NFATC2: variants seen among roughly 807,000 people sequenced by gnomAD.
NFATC2 encodes the protein nuclear factor of activated T cells 2, also known as nuclear factor of activated T-cells, cytoplasmic 2.
A neutral mutation model predicts 87.3 loss-of-function variants in NFATC2; 22 were observed. The ratio of observed to expected loss-of-function variants is 0.25; its 90% confidence interval spans 0.18 to 0.36. The LOEUF (loss-of-function observed/expected upper bound fraction) is 0.36, where lower values mean the gene tolerates loss of function less well. Among genes scored for constraint, NFATC2 ranks in the 10% least tolerant of loss-of-function variants. NFATC2 has a pLI of 1.00. For synonymous variants in NFATC2, 565 were observed against 542.2 expected, an observed-to-expected ratio of 1.04 and a Z score of -0.58; for missense variants, 1,149 against 1,259.1, an observed-to-expected ratio of 0.91 and a Z score of 1.32.
At chr20:51,438,279 T>G (rs1355425729) in intron 6 of NFATC2, among the ~76,000 whole-genome samples, 5 of 151,976 alleles carry the variant, frequency 3.3e-5, no homozygotes, top group African/African-American at 1.2e-4. Flanking sequence ...ACCTGCAAAG[T>G]GAGCTTGAAG....
intron 1 of NFATC2, among the ~76,000 whole-genome samples, chr20:51,525,605 G>A (rs935808563): frequency 5.3e-5 from 8 of 151,176 alleles, no homozygotes; most frequent in Non-Finnish European, 8.8e-5. Context: ...AGCTCATGGG[G>A]CGGCCTGGAC....
At chr20:51,420,401 C>T (rs1322807745) in intron 9 of NFATC2, among the ~76,000 whole-genome samples, 5 of 152,174 alleles carry the variant, frequency 3.3e-5, no homozygotes, top group Non-Finnish European at 5.9e-5. Context: ...AATGAAGCCT[C>T]TCAGTTTTAC....
intron 2 of NFATC2, among the ~76,000 whole-genome samples, chr20:51,522,410 G>C (rs2076461468): frequency 6.6e-6 from 1 of 152,134 alleles, no homozygotes. Flanking sequence ...AAGCACAGCA[G>C]CAGAAAGGCA....
intron 9 of NFATC2, among the ~76,000 whole-genome samples, chr20:51,411,157 A>G (rs549816828): frequency 7.5e-4 from 114 of 152,190 alleles, no homozygotes; most frequent in Non-Finnish European, 1.5e-3. Context: ...CAGTTCAGTA[A>G]ATCAAGGCTC....
Position 51,478,336 on chromosome 20 carries a change from C to T in NFATC2, c.1333-2676G>A, listed in dbSNP as rs79575954. On this transcript the variant is annotated intron_variant, in intron 3 of 10. Coordinates refer to ENST00000371564, the MANE Select transcript of NFATC2 (RefSeq NM_012340.5). ...CAAGACAAATATATTTCCTCATCTC[C>T]TCTCCTGGATTTATCAAGAGTTGGT... Among the ~76,000 whole-genome samples, 1,004 of 152,316 alleles carry T rather than the reference C, an allele frequency of 6.6e-3. 10 individuals carry two copies. The highest frequency in any genetic ancestry group is 0.023 in the African/African-American group (974 of 41,564).
At chr20:51,402,214 C>CAACT (rs1416771482) in intron 9 of NFATC2, among the ~76,000 whole-genome samples, 5 of 152,324 alleles carry the variant, frequency 3.3e-5, no homozygotes, top group African/African-American at 1.2e-4. Flanking sequence ...AAGGACTAAC[C>CAACT]AACTGTGTAA....
chr20:51,429,606 G>A (rs1982383509), intron 9 of NFATC2, among the ~76,000 whole-genome samples: 2 of 152,230 alleles, frequency 1.3e-5, no homozygotes, highest in Admixed American at 1.3e-4. Flanking sequence ...GTACAATCCA[G>A]TGTGGACATC....
intron 1 of NFATC2, among the ~76,000 whole-genome samples, chr20:51,535,936 G>A (rs1411675024): frequency 1.3e-5 from 2 of 152,306 alleles, no homozygotes; most frequent in African/African-American, 4.8e-5. Flanking sequence ...CCCAGGAAAA[G>A]CAATCTCCCC....
At chr20:51,409,937 A>G (rs1041567552) in intron 9 of NFATC2, among the ~76,000 whole-genome samples, 4 of 152,214 alleles carry the variant, frequency 2.6e-5, no homozygotes, top group Admixed American at 6.5e-5. Flanking sequence ...ATGGCCGGGC[A>G]CAGTGGCTCA....
chr20:51,554,108 G>C (rs906651767), intron 1 of NFATC2, among the ~76,000 whole-genome samples: 1 of 152,024 alleles, frequency 6.6e-6, no homozygotes, highest in African/African-American at 2.4e-5. Context: ...GCTCCCATCC[G>C]CACAACTAAA....
At chr20:51,399,936 A>G (rs563444001) in intron 9 of NFATC2, among the ~76,000 whole-genome samples, 1 of 152,314 alleles carries the variant, frequency 6.6e-6, no homozygotes, top group East Asian at 1.9e-4. Flanking sequence ...TGCAATATCT[A>G]CCTGCCCAAA....
At chr20:51,425,616 C>A (rs372157800) in intron 9 of NFATC2, among the ~76,000 whole-genome samples, 4 of 152,368 alleles carry the variant, frequency 2.6e-5, no homozygotes, top group African/African-American at 9.6e-5. Flanking sequence ...CCTCCCCACA[C>A]AGGAGCCGCT....
intron 6 of NFATC2, among the ~76,000 whole-genome samples, chr20:51,440,520 T>A (rs34724084): frequency 4.7e-4 from 71 of 152,346 alleles, no homozygotes; most frequent in Non-Finnish European, 5.4e-4. Flanking sequence ...TGATTTTCCT[T>A]TGCTTTCCAA....
At chr20:51,519,124 G>A (rs1032806550) in intron 2 of NFATC2, among the ~76,000 whole-genome samples, 1 of 152,032 alleles carries the variant, frequency 6.6e-6, no homozygotes. Context: ...CGAGCCACAC[G>A]TGTCAAACAC....
intron 3 of NFATC2, among the ~76,000 whole-genome samples, chr20:51,515,586 A>G (rs369083650): frequency 4.6e-5 from 7 of 152,222 alleles, no homozygotes; most frequent in South Asian, 4.1e-4. Context: ...GCAGTCGACA[A>G]CTACTAGACA....
chr20:51,484,958 C>T (rs1989584064), intron 3 of NFATC2, among the ~76,000 whole-genome samples: 2 of 152,240 alleles, frequency 1.3e-5, no homozygotes, highest in South Asian at 4.1e-4. Context: ...ATTAGACATT[C>T]TGGACAGGCT....
intron 3 of NFATC2, among the ~76,000 whole-genome samples, chr20:51,500,096 A>G (rs1217731017): frequency 6.6e-6 from 1 of 152,180 alleles, no homozygotes; most frequent in Non-Finnish European, 1.5e-5. Context: ...CCTACCCTCA[A>G]GTACTCAGTA....
At chr20:51,549,598 A>G (rs1321539718) in intron 1 of NFATC2, among the ~76,000 whole-genome samples, 1 of 152,254 alleles carries the variant, frequency 6.6e-6, no homozygotes, top group Non-Finnish European at 1.5e-5. Context: ...TGGGAGGCCC[A>G]GGATCCAAAC....
upstream of NFATC2, among the ~76,000 whole-genome samples, chr20:51,546,392 AAAT>A (rs1308162035): frequency 8.9e-5 from 13 of 146,788 alleles, no homozygotes; most frequent in Non-Finnish European, 1.7e-4. Flanking sequence ...TTCAATTCAA[AAAT>A]AAATAATCTG....
Sources: gnomAD v4.1 joint callset for allele counts (sites outside exome capture counted in the v4.1 genomes callset) on GRCh38, gnomAD v4.1.1 for gene constraint, MANE v1.5 for transcripts, NCBI Gene and HGNC (gene_info 2026-07-23, HGNC 2026-07-21) for gene names.